The following TMEM178B variants were observed in gnomAD, a reference collection of about 807,000 sequenced individuals.
TMEM178B encodes the protein transmembrane protein 178B.
Under a neutral mutation model 31.0 loss-of-function variants are expected in TMEM178B, and 5 were observed. The observed-to-expected ratio is 0.16, with a 90% CI of 0.08 to 0.34. The LOEUF is 0.34. TMEM178B is among the 10% of genes least tolerant of loss of function. TMEM178B has a pLI of 1.00. For synonymous variants in TMEM178B, 164 were observed against 164.0 expected (o/e 1.00, Z 0.00); for missense variants, 275 against 400.3 (o/e 0.69, Z 2.67).
intron 2 of TMEM178B, chr7:141,416,242 G>C (rs564898470): frequency 6.5e-6 from 1 of 152,846 alleles, no homozygotes; most frequent in African/African-American, 2.4e-5. Flanking sequence ...GACATCGGAG[G>C]TGCTGTCCCA....
In TMEM178B at chr7:141,074,297, C is replaced by A; in HGVS notation, c.-14C>A. On this transcript the variant is annotated 5_prime_UTR_variant, in exon 1 of 4. Transcript: ENST00000565468. This position sits in a 1 kb window ranked among gnomAD's most constrained non-coding sequence, Gnocchi z 5.1. ...CGGCGGATCATGCCCATGGTGTAGC[C>A]GCCAAGCGGAGGCATGGCTGCCGGA... The A allele has an allele frequency of 2.7e-6, 4 of 1,508,008 alleles. No homozygotes were observed. The highest frequency in any genetic ancestry group is 2.7e-6 in the Non-Finnish European group (3 of 1,129,506). The allele number at this position is 1,508,008 out of a possible 1,614,324, so 93.4% of individuals were successfully genotyped here.
At chr7:141,188,985 A>G (rs1187149419) in intron 1 of TMEM178B, among the ~76,000 whole-genome samples, 1 of 152,242 alleles carries the variant, frequency 6.6e-6, no homozygotes, top group East Asian at 1.9e-4. Context: ...TTAGTTGACA[A>G]GGAATCAGGC....
At chr7:141,083,022 A>C (rs912601187) in intron 1 of TMEM178B, among the ~76,000 whole-genome samples, 7 of 152,116 alleles carry the variant, frequency 4.6e-5, no homozygotes, top group Non-Finnish European at 7.4e-5. Context: ...CCTCTTTGCT[A>C]TTAGTAAGTA....
chr7:141,506,108 C>T, the TMEM178B span, among the ~76,000 whole-genome samples: 1 of 152,258 alleles, frequency 6.6e-6, no homozygotes, highest in Non-Finnish European at 1.5e-5. Flanking sequence ...CGTGCAAGTG[C>T]ACATTGCTCC....
At chr7:141,199,780 A>G (rs1796845843) in intron 1 of TMEM178B, among the ~76,000 whole-genome samples, 1 of 152,136 alleles carries the variant, frequency 6.6e-6, no homozygotes, top group Non-Finnish European at 1.5e-5. Context: ...GGCAGGGCGC[A>G]GTGGCTCACG....
chr7:141,346,232 C>CA (rs139337265), intron 2 of TMEM178B, among the ~76,000 whole-genome samples: 10,093 of 150,754 alleles, frequency 0.067, 453 homozygotes, highest in East Asian at 0.19. Flanking sequence ...AACAAACAAA[C>CA]AAAAAAAACC....
chr7:141,224,912 A>G (rs1797316422), intron 2 of TMEM178B, among the ~76,000 whole-genome samples: 1 of 152,192 alleles, frequency 6.6e-6, no homozygotes, highest in African/African-American at 2.4e-5. Flanking sequence ...AGGCACTGGA[A>G]GTGGAGTGAC....
intron 1 of TMEM178B, among the ~76,000 whole-genome samples, chr7:141,170,794 C>A (rs978636597): frequency 2.0e-5 from 3 of 152,144 alleles, no homozygotes; most frequent in Non-Finnish European, 4.4e-5. Flanking sequence ...TAATCCTGGA[C>A]CAGCCCCTGT....
rs201056025 is a variant in TMEM178B at position 141,459,015 on chromosome 7, GGTTTGTTT to G, written c.635-11500_635-11493del. 3.6e-4 allele frequency among the ~76,000 whole-genome samples: 55 copies of G among 152,048 alleles called. 1 individual carries two copies. Among genetic ancestry groups the G allele is most frequent in the African/African-American group, 7.5e-4 (31 of 41,446 alleles). ...CTCCTTTAGATTTCAATGTTTTTTT[GGTTTGTTT>G]GTTTGTTTGTTTGTTTGTTTTTTGA... On this transcript the variant is annotated intron_variant, in intron 3 of 3. Coordinates refer to ENST00000565468, the MANE Select transcript of TMEM178B (RefSeq NM_001195278.2).
intron 1 of TMEM178B, among the ~76,000 whole-genome samples, chr7:141,143,450 C>A (rs1795806194): frequency 6.6e-6 from 1 of 152,082 alleles, no homozygotes; most frequent in South Asian, 2.1e-4. Flanking sequence ...GCCAGCTATC[C>A]CAGCACCACT....
intron 1 of TMEM178B, among the ~76,000 whole-genome samples, chr7:141,085,150 ATT>A (rs61516388): frequency 0.098 from 7,295 of 74,632 alleles, 324 homozygotes; most frequent in African/African-American, 0.19. Flanking sequence ...GCTAATTTGT[ATT>A]TTTTTTTTTT....
At chr7:141,280,810 TGGGTCTC>T (rs1563139986) in intron 2 of TMEM178B, among the ~76,000 whole-genome samples, 1 of 152,148 alleles carries the variant, frequency 6.6e-6, no homozygotes, top group Non-Finnish European at 1.5e-5. Flanking sequence ...GCCCAGACCC[TGGGTCTC>T]GGGGGAATGA....
chr7:141,243,965 A>T (rs2129194011), intron 2 of TMEM178B, among the ~76,000 whole-genome samples: 1 of 152,248 alleles, frequency 6.6e-6, no homozygotes, highest in Middle Eastern at 3.4e-3. Context: ...ACGGTCCAGT[A>T]TTCATAGCCT....
chr7:141,202,733 G>A (rs372259410), intron 1 of TMEM178B, among the ~76,000 whole-genome samples: 77 of 152,344 alleles, frequency 5.1e-4, no homozygotes, highest in African/African-American at 1.7e-3. Context: ...AAGAGAAGAC[G>A]TGGGGGAGGT....
intron 2 of TMEM178B, among the ~76,000 whole-genome samples, chr7:141,428,387 A>AAAAAAAAG: frequency 6.9e-6 from 1 of 143,996 alleles, no homozygotes; most frequent in African/African-American, 2.6e-5. Flanking sequence ...AAAAAAAAGA[A>AAAAAAAAG]AAAAAGAAAA....
intron 1 of TMEM178B, among the ~76,000 whole-genome samples, chr7:141,103,534 G>A (rs754762101): frequency 5.9e-5 from 9 of 152,034 alleles, no homozygotes; most frequent in Non-Finnish European, 1.3e-4. Flanking sequence ...TTTTTTGAGG[G>A]CTCTATCTCA....
chr7:141,323,479 A>G (rs1393977687), intron 2 of TMEM178B, among the ~76,000 whole-genome samples: 1 of 152,182 alleles, frequency 6.6e-6, no homozygotes, highest in East Asian at 1.9e-4. Flanking sequence ...AGTAAATTCT[A>G]CATCATTATT....
the TMEM178B span, among the ~76,000 whole-genome samples, chr7:141,489,019 G>T: frequency 6.6e-6 from 1 of 152,098 alleles, no homozygotes; most frequent in Admixed American, 6.5e-5. Context: ...GGGGGCATCT[G>T]CAATATCCTA....
chr7:141,189,670 G>A lies in TMEM178B; in HGVS notation c.383-22921G>A, dbSNP rs752411622. On this transcript the variant is annotated intron_variant, in intron 1 of 3. Transcript: ENST00000565468. ...ATACAAGGTCAGGGCAGAGTTCGTG[G>A]TGGCAGTGACAGAGCTGGCTCCCAC... Among the ~76,000 whole-genome samples the A allele has an allele frequency of 2.6e-5, 4 of 152,226 alleles. No individual in the cohort carries two copies. The East Asian group carries it at 7.7e-4, about 29-fold the overall frequency.
Sources: gnomAD v4.1 joint callset for allele counts (sites outside exome capture counted in the v4.1 genomes callset) on GRCh38, gnomAD v4.1.1 for gene constraint, Gnocchi (gnomAD v3.1) non-coding constraint, MANE v1.5 for transcripts, NCBI Gene and HGNC (gene_info 2026-07-23, HGNC 2026-07-21) for gene names.